ARHGAP9: variants seen among roughly 807,000 people sequenced by gnomAD.
ARHGAP9 encodes the protein rho GTPase-activating protein 9.
In ARHGAP9, 76 loss-of-function variants were observed where a neutral mutation model predicts 87.3. The observed-to-expected ratio is 0.87, with a 90% CI of 0.72 to 1.05. The LOEUF is 1.05. Ranked by LOEUF, ARHGAP9 falls within the 50% of genes least tolerant of loss-of-function variation. ARHGAP9 has a pLI of 0.00. For missense variants in ARHGAP9, 941 were observed against 960.5 expected (o/e 0.98, Z 0.27); for synonymous variants, 382 against 394.9 (o/e 0.97, Z 0.39).
At chr12:57,475,997 G>A (rs1873501045) in intron 9 of ARHGAP9, 66 bp from the exon 10 acceptor site, 3 of 1,529,694 alleles carry the variant, frequency 2.0e-6, no homozygotes, top group African/African-American at 1.4e-5. Context: ...GAGACCTAGC[G>A]GGAGGCCTGC....
At chr12:57,482,765 G>T (rs944336130), upstream of ARHGAP9, among the ~76,000 whole-genome samples, 2 of 151,788 alleles carry the variant, frequency 1.3e-5, no homozygotes, top group Admixed American at 1.3e-4. Flanking sequence ...CATATATGCC[G>T]GGCAGGAACT....
In ARHGAP9 at chr12:57,474,974, C is replaced by G; in HGVS notation, c.1553-1G>C. On this transcript the variant is annotated splice_acceptor_variant, in intron 12 of 17. Transcript: ENST00000393791. LOFTEE classifies it high-confidence loss of function. ...TCCAACTGGCAGCCGAACACCTGGT[C>G]TGGGGAAGTAGAGTGAGGCGGGAAG... 3 of 1,613,688 alleles carry G rather than the reference C, an allele frequency of 1.9e-6. No homozygotes were observed. The highest frequency in any genetic ancestry group is 2.5e-6 in the Non-Finnish European group (3 of 1,179,970).
intron 1 of ARHGAP9, chr12:57,487,850 C>CAAAAAAAAAAAA: frequency 5.7e-6 from 1 of 175,964 alleles, no homozygotes; most frequent in Non-Finnish European, 1.0e-5. Context: ...CGCCCTCTCA[C>CAAAAAAAAAAAA]AAAAAAAAAA....
At chr12:57,485,650 G>A (rs1217246885) in intron 1 of ARHGAP9, among the ~76,000 whole-genome samples, 34 of 152,022 alleles carry the variant, frequency 2.2e-4, no homozygotes, top group Admixed American at 2.2e-3. Flanking sequence ...AAAGCACAGG[G>A]ATTACAGGCA....
intron 1 of ARHGAP9, among the ~76,000 whole-genome samples, chr12:57,485,566 A>AAC (rs905338340): frequency 6.6e-6 from 1 of 150,528 alleles, no homozygotes; most frequent in African/African-American, 2.4e-5. Flanking sequence ...GAAAAAAAAA[A>AAC]AAAACAAAAA....
chr12:57,472,740 T>C, intron 17 of ARHGAP9, 52 bp from the exon 18 acceptor site: 1 of 1,585,346 alleles, frequency 6.3e-7, no homozygotes, highest in Non-Finnish European at 8.7e-7. Flanking sequence ...TGCCACTTCA[T>C]AGCAATCTAA....
At chr12:57,486,323 G>A (rs1314954301) in intron 1 of ARHGAP9, among the ~76,000 whole-genome samples, 1 of 151,468 alleles carries the variant, frequency 6.6e-6, no homozygotes, top group African/African-American at 2.4e-5. Flanking sequence ...AGGCTGGAGT[G>A]TAGAGGCACG....
intron 1 of ARHGAP9, among the ~76,000 whole-genome samples, chr12:57,485,198 C>T (rs1444601267): frequency 3.9e-5 from 6 of 152,088 alleles, no homozygotes; most frequent in Non-Finnish European, 7.4e-5. Context: ...TTGTCCACCT[C>T]GGCCTCCCAA....
At position 57,488,188 on chromosome 12, in the gene ARHGAP9, T is replaced by C. The variant is rs1875594069; in HGVS notation, c.-204+424A>G. 3.1e-6 allele frequency: 5 copies of C among 1,613,186 alleles called. No homozygotes were observed. The South Asian group carries it at 3.3e-5, about 11-fold the overall frequency. On this transcript the variant is annotated intron_variant, in intron 1 of 20. Transcript: ENST00000393797. ...AGAGCAGAGGTGCTCATCAGCACTG[T>C]AGGCCCGGAAGGTACTCGTGCTGGT...
Position 57,488,117 on chromosome 12 carries a change from C to G in ARHGAP9, c.-204+495G>C, listed in dbSNP as rs766385130. 1.2e-6 allele frequency: 2 copies of G among 1,614,206 alleles called. No individual in the cohort carries two copies. The highest frequency in any genetic ancestry group is 3.3e-5 in the Admixed American group (2 of 60,028). On this transcript the variant is annotated intron_variant, in intron 1 of 20. Transcript: ENST00000393797. ...TGAGACTGTTCGTGAGTGATGGCGT[C>G]CCGGGTTGCTTGCCGGTGCTGGCCG...
Position 57,474,877 on chromosome 12 carries a change from CTT to C in ARHGAP9, c.1647_1648del (p.Gly551SerfsTer53). On this transcript the variant is annotated frameshift_variant, in exon 13 of 18. Transcript: ENST00000393791. LOFTEE classifies it high-confidence loss of function. ...TCTGGGGTCTCTGAGAAAATGACCT[CTT>C]TTATCCACAGCAGCAATGCAGAGCC... 1 of 1,614,132 alleles carries C rather than the reference CTT, an allele frequency of 6.2e-7. No homozygotes were observed. Among genetic ancestry groups the C allele is most frequent in the Non-Finnish European group, 8.5e-7 (1 of 1,180,026 alleles).
chr12:57,473,955 A>G (rs1872694652), intron 16 of ARHGAP9, 87 bp downstream of exon 16: 1 of 1,478,562 alleles, frequency 6.8e-7, no homozygotes. Context: ...TCAGAATGGG[A>G]AAGAAGAGTA....
chr12:57,480,788 C>T (rs1162445495), upstream of ARHGAP9: 1 of 1,550,542 alleles, frequency 6.4e-7, no homozygotes, highest in Admixed American at 2.0e-5. Flanking sequence ...CTGGCCACTC[C>T]TCTTTTCCTC....
chr12:57,482,355 C>T (rs1288480764), upstream of ARHGAP9, among the ~76,000 whole-genome samples: 2 of 152,160 alleles, frequency 1.3e-5, no homozygotes, highest in South Asian at 2.1e-4. Flanking sequence ...ATTCTCCTGC[C>T]TCATTCTCCT....
chr12:57,475,153 T>C, intron 12 of ARHGAP9, 138 bp downstream of exon 12: 8 of 1,123,088 alleles, frequency 7.1e-6, no homozygotes, highest in Non-Finnish European at 1.0e-5. Flanking sequence ...GGGGTACAGG[T>C]CACCCCAGCT....
chr12:57,480,718 G>A, upstream of ARHGAP9: 1 of 1,489,418 alleles, frequency 6.7e-7, no homozygotes, highest in Non-Finnish European at 9.2e-7. Context: ...GTGGAAGGTG[G>A]GAAGTGACCT....
intron 7 of ARHGAP9, 37 bp downstream of exon 7, chr12:57,476,553 T>G: frequency 6.2e-7 from 1 of 1,613,842 alleles, no homozygotes; most frequent in Non-Finnish European, 8.5e-7. Context: ...CCTATGGAGT[T>G]GACAGCCCAG....
intron 2 of ARHGAP9, 110 bp from the exon 3 acceptor site, chr12:57,478,867 G>T: frequency 8.5e-7 from 1 of 1,179,230 alleles, no homozygotes; most frequent in Non-Finnish European, 1.2e-6. Flanking sequence ...GAGGGAGGAT[G>T]TGGAAAATGG....
chr12:57,473,284 G>GCA (rs901418532), intron 17 of ARHGAP9, among the ~76,000 whole-genome samples: 5 of 152,098 alleles, frequency 3.3e-5, no homozygotes, highest in African/African-American at 1.2e-4. Flanking sequence ...GTGGTGGCGG[G>GCA]CACCTGTAAT....
Sources: gnomAD v4.1 joint callset for allele counts (sites outside exome capture counted in the v4.1 genomes callset) on GRCh38, gnomAD v4.1.1 for gene constraint, MANE v1.5 for transcripts, NCBI Gene and HGNC (gene_info 2026-07-23, HGNC 2026-07-21) for gene names.